Variants in STK31 observed in about 807,000 individuals in gnomAD.
STK31 encodes serine/threonine kinase 31.
A neutral mutation model predicts 129.7 loss-of-function variants in STK31; 89 were observed. The observed-to-expected ratio is 0.69, with a 90% confidence interval of 0.58 to 0.82. The LOEUF is 0.82. Among genes scored for constraint, STK31 ranks in the 40% least tolerant of loss-of-function variants. STK31 has a pLI of 0.00. For missense variants in STK31, 1,187 were observed against 1,176.4 expected (o/e 1.01, Z -0.13); for synonymous variants, 448 against 395.3 (o/e 1.13, Z -1.58).
chr7:23,727,354 A>G, intron 5 of STK31, 39 bp downstream of exon 5: 1 of 1,588,178 alleles, frequency 6.3e-7, no homozygotes, highest in South Asian at 1.1e-5. Flanking sequence ...TGCTTTAAGA[A>G]ATATTTATTG....
At chr7:23,717,097 CTTTTTT>C (rs70956911) in intron 3 of STK31, among the ~76,000 whole-genome samples, 115 of 42,954 alleles carry the variant, frequency 2.7e-3, no homozygotes, top group African/African-American at 6.5e-3. Flanking sequence ...TCGCAACCTG[CTTTTTT>C]TTTTTTTTTT....
intron 22 of STK31, among the ~76,000 whole-genome samples, chr7:23,801,199 C>T (rs921512680): frequency 1.3e-5 from 2 of 152,182 alleles, no homozygotes; most frequent in Non-Finnish European, 2.9e-5. Context: ...TTCAGTTCAG[C>T]ATCATTGTCG....
rs1453772384 is a variant in STK31, at chr7:23,720,306, A to G, written c.249+2727A>G. 2.6e-5 allele frequency among the ~76,000 whole-genome samples: 4 copies of G among 152,184 alleles called. No individual in the cohort carries two copies. In the South Asian group the frequency reaches 8.3e-4, roughly 32 times the overall value. On this transcript the variant is annotated intron_variant, in intron 4 of 23. Coordinates refer to ENST00000355870, the MANE Select transcript of STK31 (RefSeq NM_031414.5). ...TACTAGAAAGATCCAAAGCAAATCTAGGCAAGCTTAGCCCTACCTTGTCAA... is the reference window on the plus strand; with the variant it reads ...TACTAGAAAGATCCAAAGCAAATCTGGGCAAGCTTAGCCCTACCTTGTCAA...
At chr7:23,761,306 C>G (rs73689520) in intron 10 of STK31, among the ~76,000 whole-genome samples, 1 of 152,150 alleles carries the variant, frequency 6.6e-6, no homozygotes, top group African/African-American at 2.4e-5. Context: ...TCATAATAGC[C>G]ACTCAAATGA....
intron 23 of STK31, among the ~76,000 whole-genome samples, chr7:23,817,522 C>G (rs1008582321): frequency 3.3e-5 from 5 of 152,210 alleles, no homozygotes; most frequent in African/African-American, 1.2e-4. Flanking sequence ...TCACACATAG[C>G]TGCAAAACAA....
At chr7:23,740,250 A>T (rs1371025337) in intron 8 of STK31, among the ~76,000 whole-genome samples, 3 of 152,108 alleles carry the variant, frequency 2.0e-5, no homozygotes, top group African/African-American at 7.2e-5. Context: ...AAATTAATGA[A>T]CTTTAAACAC....
intron 11 of STK31, among the ~76,000 whole-genome samples, chr7:23,765,604 T>G (rs1360095605): frequency 1.4e-5 from 2 of 145,186 alleles, no homozygotes; most frequent in Admixed American, 7.2e-5. Context: ...TTACCCAGGT[T>G]GGAGTGCAGT....
At chr7:23,818,634 C>CA (rs1450059571) in intron 23 of STK31, among the ~76,000 whole-genome samples, 1 of 147,106 alleles carries the variant, frequency 6.8e-6, no homozygotes, top group Non-Finnish European at 1.5e-5. Context: ...AAAAAAACAA[C>CA]AAAAAGCAAC....
chr7:23,750,250 G>T, intron 8 of STK31, among the ~76,000 whole-genome samples: 1 of 152,116 alleles, frequency 6.6e-6, no homozygotes, highest in Admixed American at 6.5e-5. Context: ...GTTTCCAGCA[G>T]TTTGTCAGCA....
upstream of STK31, chr7:23,710,129 C>G (rs959702982): frequency 7.4e-7 from 1 of 1,345,130 alleles, no homozygotes; most frequent in East Asian, 2.4e-5. Context: ...CACGCTTCTT[C>G]CTAGGCGGCA....
chr7:23,777,052 T>C (rs1253260740), intron 15 of STK31, among the ~76,000 whole-genome samples: 1 of 152,208 alleles, frequency 6.6e-6, no homozygotes, highest in African/African-American at 2.4e-5. Flanking sequence ...AAAGAACTTA[T>C]TTATTTCTGC....
intron 15 of STK31, among the ~76,000 whole-genome samples, chr7:23,776,973 C>A (rs543566885): frequency 6.6e-6 from 1 of 152,234 alleles, no homozygotes; most frequent in South Asian, 2.1e-4. Flanking sequence ...CTATAAATTT[C>A]CCTCTAAACA....
intron 3 of STK31, among the ~76,000 whole-genome samples, chr7:23,714,514 A>T (rs1211063004): frequency 6.6e-6 from 1 of 152,238 alleles, no homozygotes; most frequent in African/African-American, 2.4e-5. Flanking sequence ...ACATTTTAAT[A>T]AGTACATTTT....
At chr7:23,720,789 A>G (rs1371657601) in intron 4 of STK31, among the ~76,000 whole-genome samples, 4 of 152,142 alleles carry the variant, frequency 2.6e-5, no homozygotes, top group Admixed American at 2.6e-4. Context: ...ATTATTCAAT[A>G]TCTTGTACAG....
chr7:23,767,652 A>G (rs1789914121), intron 11 of STK31, among the ~76,000 whole-genome samples: 1 of 152,264 alleles, frequency 6.6e-6, no homozygotes, highest in African/African-American at 2.4e-5. Context: ...TGTATTGGTT[A>G]TCAGTTTTTG....
At position 23,710,276 on chromosome 7, in the gene STK31, A is replaced by G. The variant is rs1450851971; in HGVS notation, c.-10A>G. On this transcript the variant is annotated 5_prime_UTR_variant, in exon 1 of 24. Transcript: ENST00000355870. ...GTGTGCTACGGCGGGCGGAGGGCCG[A>G]AAGTCCAGTATGTGGGTCCAGGGTC... The G allele has an allele frequency of 6.2e-7, 1 of 1,610,900 alleles. No homozygotes were observed. The highest frequency in any genetic ancestry group is 8.5e-7 in the Non-Finnish European group (1 of 1,179,802).
At position 23,772,198 on chromosome 7, in the gene STK31, T is replaced by G. The variant is rs143384838; in HGVS notation, c.1885T>G (p.Leu629Val). Residue 629 changes from leucine (L) to valine (V), a missense_variant, in exon 15 of 24, where the codon TTG becomes GTG. Physicochemically the swap from Leu to Val is conservative, Grantham distance 32. Coordinates refer to ENST00000355870, the MANE Select transcript of STK31 (RefSeq NM_031414.5). ...AAATAAGAGTCCCAGTGTGGATCACTTGCTATCCATTAAGAAGACATTGAA... is the reference window on the plus strand; with the variant it reads ...AAATAAGAGTCCCAGTGTGGATCACGTGCTATCCATTAAGAAGACATTGAA... ...YLNKSPSVDH[L>V]LSIKKTLKSL... 2.4e-5 allele frequency: 39 copies of G among 1,604,664 alleles called. No homozygotes were observed. The African/African-American group carries it at 4.8e-4, about 20-fold the overall frequency.
chr7:23,829,371 A>G (rs913419955), intron 23 of STK31, among the ~76,000 whole-genome samples: 5 of 152,072 alleles, frequency 3.3e-5, no homozygotes, highest in Non-Finnish European at 7.4e-5. Flanking sequence ...TTCTGTGTCT[A>G]TTGAGATCGT....
intron 23 of STK31, among the ~76,000 whole-genome samples, chr7:23,822,880 AATG>A (rs1267190894): frequency 6.6e-6 from 1 of 152,100 alleles, no homozygotes. Flanking sequence ...GTTTGCTGAG[AATG>A]ATGGTTTCCA....
Sources: gnomAD v4.1 joint callset for allele counts (sites outside exome capture counted in the v4.1 genomes callset) on GRCh38, gnomAD v4.1.1 for gene constraint, MANE v1.5 for transcripts, NCBI Gene and HGNC (gene_info 2026-07-23, HGNC 2026-07-21) for gene names.